The following COL23A1 variants were observed in gnomAD, a reference collection of about 807,000 sequenced individuals.
The protein encoded by COL23A1 is collagen alpha-1(XXIII) chain.
Under a neutral mutation model 99.3 loss-of-function variants are expected in COL23A1, and 97 were observed. That is an observed-to-expected ratio of 0.98 (90% CI 0.83 to 1.16). The LOEUF (loss-of-function observed/expected upper bound fraction) is 1.16. COL23A1 is among the 50% of genes most tolerant of loss of function. COL23A1 has a pLI of 0.00. For synonymous variants in COL23A1, 320 were observed against 308.2 expected (o/e 1.04, Z -0.40); for missense variants, 762 against 757.4 (o/e 1.01, Z -0.07).
intron 2 of COL23A1, among the ~76,000 whole-genome samples, chr5:178,466,292 G>C (rs532851057): frequency 6.6e-6 from 1 of 152,186 alleles, no homozygotes; most frequent in South Asian, 2.1e-4. Context: ...ACAGAGCAGC[G>C]CTTGCTAGCC....
intron 1 of COL23A1, among the ~76,000 whole-genome samples, chr5:178,586,158 A>G (rs1763995646): frequency 6.6e-6 from 1 of 152,244 alleles, no homozygotes; most frequent in South Asian, 2.1e-4. Flanking sequence ...TGACAGACCC[A>G]GGATGCGCTG....
intron 2 of COL23A1, among the ~76,000 whole-genome samples, chr5:178,471,703 C>A (rs944833887): frequency 6.6e-6 from 1 of 152,120 alleles, no homozygotes; most frequent in African/African-American, 2.4e-5. Flanking sequence ...CCCAACCACC[C>A]GCTTTATGTA....
At chr5:178,584,126 G>T (rs369702035) in intron 1 of COL23A1, among the ~76,000 whole-genome samples, 4 of 152,156 alleles carry the variant, frequency 2.6e-5, no homozygotes, top group Admixed American at 2.6e-4. Flanking sequence ...AGTGATTCTC[G>T]TGCCTCCCAA....
intron 2 of COL23A1, among the ~76,000 whole-genome samples, chr5:178,362,948 T>TCCACCCCCACAGCAAC (rs1762252911): frequency 1.5e-4 from 1 of 6,644 alleles, no homozygotes; most frequent in African/African-American, 5.1e-4. Flanking sequence ...CCCACAGCAA[T>TCCACCCCCACAGCAAC]CCACTCCCAC....
At chr5:178,467,649 C>T (rs757401945) in intron 2 of COL23A1, among the ~76,000 whole-genome samples, 2 of 152,158 alleles carry the variant, frequency 1.3e-5, no homozygotes, top group Admixed American at 6.5e-5. Flanking sequence ...AAATCCCCAC[C>T]CCACGGCACA....
chr5:178,257,063 G>A (rs577529693), intron 13 of COL23A1, 135 bp from the exon 14 acceptor site: 6 of 753,138 alleles, frequency 8.0e-6, no homozygotes, highest in African/African-American at 7.0e-5. Context: ...GTCCATGGGG[G>A]GTGTGGGCGG....
rs1190938108 is a variant in COL23A1, at chr5:178,277,218, A to T, written c.442-6855T>A. On this transcript the variant is annotated intron_variant, in intron 5 of 28. Coordinates refer to ENST00000390654, the MANE Select transcript of COL23A1 (RefSeq NM_173465.4). ...TCATCTCTAAAAAAAAAAAAAAAAA[A>T]GGTTGGGTGTGGTGGCACATGCCTG... is the stretch of plus-strand genomic sequence containing the variant. Among the ~76,000 whole-genome samples the T allele has an allele frequency of 4.9e-5, 6 of 122,654 alleles. No individual in the cohort carries two copies. In the South Asian group the frequency reaches 1.5e-3, roughly 30 times the overall value. 80.5% of individuals were successfully genotyped at this position (122,654 alleles called of 152,430 possible).
chr5:178,290,741 T>A (rs1757412278), intron 3 of COL23A1, among the ~76,000 whole-genome samples: 1 of 151,822 alleles, frequency 6.6e-6, no homozygotes, highest in African/African-American at 2.4e-5. Context: ...GAGGGCAGAC[T>A]GGGGGAGCAA....
chr5:178,409,410 AGTG>A (rs1360930200), intron 2 of COL23A1, among the ~76,000 whole-genome samples: 1 of 152,210 alleles, frequency 6.6e-6, no homozygotes, highest in Non-Finnish European at 1.5e-5. Flanking sequence ...AGAGGTTAAG[AGTG>A]GTGAGAGGTT....
chr5:178,369,954 C>A (rs890777129), intron 2 of COL23A1, among the ~76,000 whole-genome samples: 6 of 152,192 alleles, frequency 3.9e-5, no homozygotes, highest in Non-Finnish European at 8.8e-5. Context: ...CCAGGCCCTT[C>A]TAGATGTGGC....
intron 2 of COL23A1, among the ~76,000 whole-genome samples, chr5:178,367,907 GCT>G (rs1235635168): frequency 6.6e-6 from 1 of 152,230 alleles, no homozygotes; most frequent in African/African-American, 2.4e-5. Context: ...GAGACCAGCT[GCT>G]GTCCTGGAGG....
At chr5:178,459,960 C>A (rs186920553) in intron 2 of COL23A1, among the ~76,000 whole-genome samples, 2 of 152,218 alleles carry the variant, frequency 1.3e-5, no homozygotes, top group Non-Finnish European at 2.9e-5. Flanking sequence ...ATGTTAATAA[C>A]AACTGTTATC....
At chr5:178,518,158 A>C (rs544972841) in intron 2 of COL23A1, among the ~76,000 whole-genome samples, 7 of 138,814 alleles carry the variant, frequency 5.0e-5, no homozygotes, top group Non-Finnish European at 6.1e-5. Flanking sequence ...ACCGCCCTTA[A>C]TCCATTTAAC....
chr5:178,248,639 TGAG>T (rs1561787512), intron 19 of COL23A1, among the ~76,000 whole-genome samples: 1 of 152,086 alleles, frequency 6.6e-6, no homozygotes, highest in Non-Finnish European at 1.5e-5. Flanking sequence ...ACGAAAATCA[TGAG>T]GACAACAGTG....
In COL23A1 at chr5:178,263,325, C is replaced by G; in HGVS notation, c.523-1G>C. 1 of 1,577,740 alleles carries G rather than the reference C, an allele frequency of 6.3e-7. No individual in the cohort carries two copies. The highest frequency in any genetic ancestry group is 8.6e-7 in the Non-Finnish European group (1 of 1,161,914). On this transcript the variant is annotated splice_acceptor_variant, in intron 8 of 28. Coordinates refer to ENST00000390654, the MANE Select transcript of COL23A1 (RefSeq NM_173465.4). LOFTEE classifies it high-confidence loss of function. ...CAGCTCCATCTTGTCCTTGGTCTCC[C>G]TGAAAGAGATGGGGCTTGGCATGAC...
chr5:178,274,510 G>T (rs1379243301), intron 5 of COL23A1, among the ~76,000 whole-genome samples: 1 of 152,162 alleles, frequency 6.6e-6, no homozygotes, highest in Non-Finnish European at 1.5e-5. Context: ...CTGAGCAGCT[G>T]GGCGGTCTGG....
At chr5:178,540,685 G>A (rs1761236716) in intron 2 of COL23A1, among the ~76,000 whole-genome samples, 1 of 152,144 alleles carries the variant, frequency 6.6e-6, no homozygotes, top group Non-Finnish European at 1.5e-5. Context: ...ACTTTGGGAG[G>A]CTGACGTGGG....
intron 5 of COL23A1, among the ~76,000 whole-genome samples, chr5:178,287,242 G>C (rs1439797963): frequency 6.6e-6 from 1 of 152,172 alleles, no homozygotes; most frequent in South Asian, 2.1e-4. Flanking sequence ...TCTTACTTCC[G>C]CAGAGTCTGA....
chr5:178,448,399 T>C (rs1031495529), intron 2 of COL23A1, among the ~76,000 whole-genome samples: 3 of 148,148 alleles, frequency 2.0e-5, no homozygotes, highest in Non-Finnish European at 4.5e-5. Flanking sequence ...TTTGTTCTGT[T>C]AGTGCTAGTC....
Sources: allele counts gnomAD v4.1 joint callset (sites outside exome capture counted in the v4.1 genomes callset), GRCh38; gene constraint gnomAD v4.1.1; transcripts MANE v1.5; gene names NCBI Gene and HGNC (gene_info 2026-07-23, HGNC 2026-07-21).